SDC1: variants seen among roughly 807,000 people sequenced by gnomAD.
The protein encoded by SDC1 is syndecan 1, also known as syndecan-1.
Under a neutral mutation model 29.7 loss-of-function variants are expected in SDC1, and 14 were observed. That is an observed-to-expected ratio of 0.47 (90% CI 0.31 to 0.74). SDC1 has a LOEUF of 0.74. Ranked by LOEUF, SDC1 falls within the 30% of genes least tolerant of loss-of-function variation. The pLI, the probability that SDC1 is intolerant of heterozygous loss-of-function variation, is 0.05. For synonymous variants in SDC1, 204 were observed against 175.5 expected (o/e 1.16, Z -1.29); for missense variants, 406 against 400.3 (o/e 1.01, Z -0.12).
intron 1 of SDC1, chr2:20,207,421 AAC>A (rs1270737658): frequency 6.1e-6 from 6 of 984,236 alleles, no homozygotes; most frequent in African/African-American, 1.7e-5. Context: ...ATCTACAATA[AAC>A]AGTCATTGAC....
intron 1 of SDC1, among the ~76,000 whole-genome samples, chr2:20,213,212 A>T (rs1677526405): frequency 6.6e-6 from 1 of 152,214 alleles, no homozygotes; most frequent in Admixed American, 6.5e-5. Flanking sequence ...CTGGTCTCAG[A>T]ACAGGCTCAG....
At chr2:20,222,541 G>A (rs1219335296) in intron 1 of SDC1, among the ~76,000 whole-genome samples, 2 of 152,184 alleles carry the variant, frequency 1.3e-5, no homozygotes, top group African/African-American at 4.8e-5. Context: ...CCAAAGCTCA[G>A]GTGGGGCTTT....
At position 20,204,212 on chromosome 2, in the gene SDC1, CGTG is replaced by C; in HGVS notation, c.225_227del (p.Thr76del). On this transcript the variant is annotated inframe_deletion, in exon 3 of 5. Coordinates refer to ENST00000254351, the MANE Select transcript of SDC1 (RefSeq NM_002997.5). ...CCTCCAGGCCGGTGGGTTCTGGAGACGTGGGAATAGCCGTCAGGAGCTGCGTGT... is the reference window on the plus strand; with the variant it reads ...CCTCCAGGCCGGTGGGTTCTGGAGACGGAATAGCCGTCAGGAGCTGCGTGT... 1 of 1,597,850 alleles carries C rather than the reference CGTG, an allele frequency of 6.3e-7. No individual in the cohort carries two copies. Among genetic ancestry groups the C allele is most frequent in the South Asian group, 1.1e-5 (1 of 91,024 alleles).
chr2:20,217,217 C>T (rs1677653987), intron 1 of SDC1, among the ~76,000 whole-genome samples: 2 of 152,332 alleles, frequency 1.3e-5, no homozygotes, highest in South Asian at 4.1e-4. Context: ...GGTGCTGAAT[C>T]GCGAATCCCG....
intron 1 of SDC1, among the ~76,000 whole-genome samples, chr2:20,217,445 A>T (rs1027643485): frequency 1.4e-4 from 22 of 152,066 alleles, no homozygotes; most frequent in Admixed American, 7.9e-4. Flanking sequence ...GCCCCCAGAT[A>T]CCCACCAGTC....
At position 20,204,044 on chromosome 2, in the gene SDC1, C is replaced by A. The variant is rs147368071; in HGVS notation, c.396G>T (p.Pro132=). The part of the protein sequence containing the change: ...TPRPRETTQL[P]TTHLASTTTA... ...TGGTCGTTGAGGCCAGATGAGTGGT[C>A]GGGAGCTGTGTGGTCTCCCTGGGTC... Residue 132 remains proline, a synonymous_variant, in exon 3 of 5, where the codon CCG becomes CCT. Transcript: ENST00000254351. The A allele has an allele frequency of 3.1e-6, 5 of 1,612,072 alleles. No individual in the cohort carries two copies. The Admixed American group carries it at 6.7e-5, about 22-fold the overall frequency.
intron 1 of SDC1, among the ~76,000 whole-genome samples, chr2:20,209,349 C>A (rs1574263): frequency 6.6e-6 from 1 of 152,168 alleles, no homozygotes; most frequent in Non-Finnish European, 1.5e-5. Flanking sequence ...TACAACTCCC[C>A]GTGCAGCAGC....
Position 20,201,640 on chromosome 2 carries a change from A to G in SDC1, c.*1126T>C, listed in dbSNP as rs1677012092. 1 of 152,714 alleles carries G rather than the reference A, an allele frequency of 6.5e-6. No homozygotes were observed. Among genetic ancestry groups the G allele is most frequent in the African/African-American group, 2.4e-5 (1 of 41,460 alleles). The allele number at this position is 152,714 out of a possible 1,614,324, so 9.5% of individuals were successfully genotyped here. ...CCAGCCCAGGGCCCAGGGTGGGGCC[A>G]CAGGAGCTAACGGAGAACCTGGCCT... On this transcript the variant is annotated 3_prime_UTR_variant, in exon 5 of 5. Transcript: ENST00000254351.
At chr2:20,208,178 C>T (rs1677342722) in intron 1 of SDC1, 4 of 955,484 alleles carry the variant, frequency 4.2e-6, no homozygotes, top group South Asian at 9.7e-5. Context: ...CCATGTACAA[C>T]CTGGGAGACA....
chr2:20,203,196 C>T lies in SDC1; in HGVS notation c.654G>A (p.Glu218=). 1 of 1,611,388 alleles carries T rather than the reference C, an allele frequency of 6.2e-7. No individual in the cohort carries two copies. Among genetic ancestry groups the T allele is most frequent in the Non-Finnish European group, 8.5e-7 (1 of 1,178,272 alleles). The change falls in exon 4 of 5, where the codon GAG becomes GAA. Residue 218 remains glutamate (E), a synonymous_variant. Coordinates refer to ENST00000254351, the MANE Select transcript of SDC1 (RefSeq NM_002997.5). ...GCTCCACGGCCACTACAGCCGTATT[C>T]TCCCCCGAGGTTTCAAAGGTGAAGT... is the stretch of plus-strand genomic sequence containing the variant. The part of the protein sequence containing the change: ...EQDFTFETSG[E]NTAVVAVEPD...
chr2:20,203,566 G>A (rs1677121086), intron 3 of SDC1, among the ~76,000 whole-genome samples: 1 of 152,244 alleles, frequency 6.6e-6, no homozygotes, highest in African/African-American at 2.4e-5. Flanking sequence ...AGCAGGGGCT[G>A]CAAGTTTGGA....
chr2:20,223,061 A>G lies in SDC1; in HGVS notation c.66+1741T>C, dbSNP rs189821244. Reference sequence around the variant, plus strand: ...CCTAGAGAGCAGCTTCTTGGACCTGAAAGCCAGGAGTGCATGAGACCCAGC... The same window carrying G: ...CCTAGAGAGCAGCTTCTTGGACCTGGAAGCCAGGAGTGCATGAGACCCAGC... On this transcript the variant is annotated intron_variant, in intron 1 of 4. Transcript: ENST00000254351. The G allele has an allele frequency of 3.6e-3, 1,299 of 363,942 alleles. 16 individuals carry two copies. The highest frequency in any genetic ancestry group is 0.025 in the African/African-American group (1,150 of 46,862). The allele number at this position is 363,942 out of a possible 1,614,324, so 22.5% of individuals were successfully genotyped here. A position where few individuals can be genotyped will look rare whatever the true frequency, so the allele number is the denominator to read the frequency against.
chr2:20,207,425 G>C, intron 1 of SDC1: 1 of 984,210 alleles, frequency 1.0e-6, no homozygotes, highest in Non-Finnish European at 1.2e-6. Flanking sequence ...ACAATAAACA[G>C]TCATTGACTT....
chr2:20,224,972 G>T lies in SDC1; in HGVS notation c.-105C>A. 8.5e-7 allele frequency: 1 copy of T among 1,175,816 alleles called. No individual in the cohort carries two copies. The highest frequency in any genetic ancestry group is 1.1e-6 in the Non-Finnish European group (1 of 950,474). 72.8% of individuals were successfully genotyped at this position (1,175,816 alleles called of 1,614,324 possible). A position where few individuals can be genotyped will look rare whatever the true frequency, so the allele number is the denominator to read the frequency against. ...ATGCTCTCTTGGGCGCCTGCCCAGC[G>T]CGCCGCTGTCCCAGGCGAGGGCTGC... On this transcript the variant is annotated 5_prime_UTR_variant, in exon 1 of 5. Transcript: ENST00000254351. This position sits in a 1 kb window ranked among gnomAD's most constrained non-coding sequence, Gnocchi z 4.9.
chr2:20,207,156 C>T (rs3771253), intron 1 of SDC1, among the ~76,000 whole-genome samples: 34,436 of 152,236 alleles, frequency 0.23, 3,995 homozygotes, highest in Middle Eastern at 0.32. Context: ...TGAGGCAGCC[C>T]TGGGGCAGAG....
chr2:20,218,028 C>T lies in SDC1; in HGVS notation c.66+6774G>A, dbSNP rs1370559745. 5.3e-5 allele frequency among the ~76,000 whole-genome samples: 8 copies of T among 152,276 alleles called. No individual in the cohort carries two copies. The East Asian group carries it at 7.7e-4, about 15-fold the overall frequency. On this transcript the variant is annotated intron_variant, in intron 1 of 4. Transcript: ENST00000254351. ...ACCCCTTGGGCAACCAACTCTCCTT[C>T]GAGTCCCAAGAAAGAATACTGGCAG...
At chr2:20,217,658 C>T (rs944642840) in intron 1 of SDC1, among the ~76,000 whole-genome samples, 4 of 152,210 alleles carry the variant, frequency 2.6e-5, no homozygotes, top group Admixed American at 1.3e-4. Context: ...CTCTCTGCCT[C>T]GTGCCGGCCC....
chr2:20,203,724 T>C (rs1218012849), intron 3 of SDC1, 89 bp downstream of exon 3: 8 of 972,636 alleles, frequency 8.2e-6, no homozygotes, highest in Middle Eastern at 3.3e-4. Context: ...GAATACGAGA[T>C]GCCCGCAGGG....
At chr2:20,222,156 T>A (rs1677842683) in intron 1 of SDC1, among the ~76,000 whole-genome samples, 1 of 152,108 alleles carries the variant, frequency 6.6e-6, no homozygotes, top group East Asian at 1.9e-4. Flanking sequence ...CCTGTTTTAG[T>A]CTCTTGGGAG....
Sources: gnomAD v4.1 joint callset for allele counts (sites outside exome capture counted in the v4.1 genomes callset) on GRCh38, gnomAD v4.1.1 for gene constraint, Gnocchi (gnomAD v3.1) non-coding constraint, MANE v1.5 for transcripts, NCBI Gene and HGNC (gene_info 2026-07-23, HGNC 2026-07-21) for gene names.